Variants in MACROD2 observed in about 807,000 individuals in gnomAD.
MACROD2 encodes mono-ADP ribosylhydrolase 2, also known as ADP-ribose glycohydrolase MACROD2.
MACROD2 carries 36 observed loss-of-function variants against 70.4 expected under a neutral mutation model. That is an observed-to-expected ratio of 0.51 (90% CI 0.39 to 0.68). The LOEUF (loss-of-function observed/expected upper bound fraction) is 0.68. Ranked by LOEUF, MACROD2 falls within the 30% of genes least tolerant of loss-of-function variation. The pLI is 0.00. For missense variants in MACROD2, 496 were observed against 538.4 expected (o/e 0.92, Z 0.78); for synonymous variants, 172 against 178.8 (o/e 0.96, Z 0.30).
chr20:15,369,098 C>T (rs2146258877), intron 6 of MACROD2, among the ~76,000 whole-genome samples: 1 of 152,140 alleles, frequency 6.6e-6, no homozygotes, highest in Admixed American at 6.5e-5. Flanking sequence ...TTTGAGATAA[C>T]ATATTTACTC....
intron 5 of MACROD2, among the ~76,000 whole-genome samples, chr20:14,802,469 C>G (rs1274898884): frequency 6.6e-6 from 1 of 151,828 alleles, no homozygotes; most frequent in Non-Finnish European, 1.5e-5. Flanking sequence ...AACTGTCCCT[C>G]TTCTTAGCAC....
At chr20:14,767,322 T>A (rs1175254031) in intron 5 of MACROD2, among the ~76,000 whole-genome samples, 1 of 152,140 alleles carries the variant, frequency 6.6e-6, no homozygotes, top group Non-Finnish European at 1.5e-5. Flanking sequence ...AGGATTAATT[T>A]TTTTTTGTTT....
chr20:15,791,681 A>G (rs2063626125), intron 8 of MACROD2, among the ~76,000 whole-genome samples: 1 of 152,078 alleles, frequency 6.6e-6, no homozygotes, highest in South Asian at 2.1e-4. Context: ...CATTTATAAT[A>G]GCAACAAGAA....
chr20:14,091,951 C>T (rs1244881219), intron 3 of MACROD2, among the ~76,000 whole-genome samples: 1 of 152,082 alleles, frequency 6.6e-6, no homozygotes, highest in Non-Finnish European at 1.5e-5. Context: ...CTGGGATAGA[C>T]ATCCAAGAAT....
intron 6 of MACROD2, among the ~76,000 whole-genome samples, chr20:15,315,572 C>T (rs2077800653): frequency 6.6e-6 from 1 of 152,118 alleles, no homozygotes; most frequent in Non-Finnish European, 1.5e-5. Context: ...GAAACAACAA[C>T]AATCAACCAA....
intron 6 of MACROD2, among the ~76,000 whole-genome samples, chr20:15,381,147 G>T (rs897841242): frequency 2.0e-5 from 3 of 152,090 alleles, no homozygotes; most frequent in Non-Finnish European, 4.4e-5. Context: ...ACTATGAGTT[G>T]TATGCTATAC....
intron 5 of MACROD2, among the ~76,000 whole-genome samples, chr20:15,095,666 T>G (rs915428465): frequency 1.3e-5 from 2 of 151,706 alleles, no homozygotes; most frequent in Non-Finnish European, 2.9e-5. Context: ...TACAGGCATC[T>G]GCCACCACGC....
At chr20:14,709,227 CT>C (rs144929186) in intron 5 of MACROD2, among the ~76,000 whole-genome samples, 42,898 of 150,324 alleles carry the variant, frequency 0.29, 6,225 homozygotes, top group East Asian at 0.36. Context: ...AAAATACTTA[CT>C]TTTTTTTTTC....
In MACROD2 at chr20:14,978,725, A is replaced by G. The variant is rs566472406; in HGVS notation, c.419-251215A>G. ...ACCATGGTTCTGCAACAGTTTAACA[A>G]TCTGGTTAACATTTGAAAGTAAATG... On this transcript the variant is annotated intron_variant, in intron 5 of 17. Transcript: ENST00000684519. Among the ~76,000 whole-genome samples, 288 of 149,990 alleles carry G rather than the reference A, an allele frequency of 1.9e-3. 1 individual carries two copies. Among genetic ancestry groups the G allele is most frequent in the African/African-American group, 6.9e-3 (281 of 40,638 alleles).
intron 5 of MACROD2, among the ~76,000 whole-genome samples, chr20:15,059,219 T>C (rs370734676): frequency 3.0e-4 from 46 of 152,082 alleles, no homozygotes; most frequent in South Asian, 6.2e-4. Flanking sequence ...ACCATGTCTC[T>C]ACTAAAAATA....
intron 6 of MACROD2, among the ~76,000 whole-genome samples, chr20:15,371,907 C>T (rs1468143655): frequency 6.6e-6 from 1 of 152,110 alleles, no homozygotes; most frequent in Non-Finnish European, 1.5e-5. Context: ...GTTTTTTACG[C>T]TTTCACTACA....
rs2073342687 is a variant in MACROD2 at position 14,862,178 on chromosome 20, T to TAAATATATAA, written c.418+177228_418+177229insAAAATATATA. On this transcript the variant is annotated intron_variant, in intron 5 of 17. Coordinates refer to ENST00000684519, the MANE Select transcript of MACROD2 (RefSeq NM_001351661.2). ...ATATATAAATATATATAAATATATA[T>TAAATATATAA]AAATATATATTTATACATAAATATA... 2.6e-4 allele frequency among the ~76,000 whole-genome samples: 4 copies of TAAATATATAA among 15,438 alleles called. 1 individual carries two copies. The highest frequency in any genetic ancestry group is 4.2e-4 in the Non-Finnish European group (4 of 9,420). The allele number at this position is 15,438 out of a possible 152,430, so 10.1% of individuals were successfully genotyped here.
chr20:15,361,307 A>G (rs1344018477), intron 6 of MACROD2, among the ~76,000 whole-genome samples: 1 of 152,166 alleles, frequency 6.6e-6, no homozygotes, highest in Non-Finnish European at 1.5e-5. Flanking sequence ...CTATAGCAAC[A>G]TTTGTTGAAA....
chr20:14,742,674 A>G (rs1413469061), intron 5 of MACROD2, among the ~76,000 whole-genome samples: 1 of 151,996 alleles, frequency 6.6e-6, no homozygotes, highest in Non-Finnish European at 1.5e-5. Context: ...CCTGGACACT[A>G]ATTCTAGGAA....
At chr20:14,295,138 G>A (rs1029123273) in intron 3 of MACROD2, among the ~76,000 whole-genome samples, 13 of 151,724 alleles carry the variant, frequency 8.6e-5, no homozygotes, top group African/African-American at 2.9e-4. Context: ...GATAAGAATT[G>A]GGTTTGTGTG....
rs560435050 is a variant in MACROD2 at position 15,524,532 on chromosome 20, C to A, written c.645+24685C>A. Among the ~76,000 whole-genome samples, 15 of 152,186 alleles carry A rather than the reference C, an allele frequency of 9.9e-5. No individual in the cohort carries two copies. The East Asian group carries it at 2.7e-3, about 27-fold the overall frequency. The stretch of plus-strand genomic sequence containing the variant: ...AAACATATCTATGGGCCAGATATAG[C>A]TAATGGGCTGTCATTTCTATATAAT... On this transcript the variant is annotated intron_variant, in intron 8 of 17. Transcript: ENST00000684519.
intron 2 of MACROD2, among the ~76,000 whole-genome samples, chr20:14,043,936 A>G (rs562656220): frequency 5.9e-5 from 9 of 152,346 alleles, no homozygotes; most frequent in Admixed American, 5.2e-4. Context: ...TCACACCTGC[A>G]TAAAGCCAGG....
intron 5 of MACROD2, among the ~76,000 whole-genome samples, chr20:15,084,972 A>G (rs1207531454): frequency 6.6e-6 from 1 of 152,196 alleles, no homozygotes; most frequent in Non-Finnish European, 1.5e-5. Context: ...CAATCTTGAG[A>G]AAGAAGAACA....
chr20:14,909,645 C>T (rs778525514), intron 5 of MACROD2, among the ~76,000 whole-genome samples: 1 of 152,108 alleles, frequency 6.6e-6, no homozygotes, highest in Middle Eastern at 3.4e-3. Context: ...AAACTCTGAC[C>T]TACCTCTTTA....
Sources: gnomAD v4.1 joint callset for allele counts (sites outside exome capture counted in the v4.1 genomes callset) on GRCh38, gnomAD v4.1.1 for gene constraint, MANE v1.5 for transcripts, NCBI Gene and HGNC (gene_info 2026-07-23, HGNC 2026-07-21) for gene names.